Variants in ANTXRL observed in about 807,000 individuals in gnomAD.
ANTXRL encodes ANTXR like, also known as anthrax toxin receptor-like.
In ANTXRL, 63 loss-of-function variants were observed where a neutral mutation model predicts 75.4. The observed-to-expected ratio is 0.84, with a 90% CI of 0.68 to 1.03. The LOEUF is 1.03. Among genes scored for constraint, ANTXRL ranks in the 50% least tolerant of loss-of-function variants. ANTXRL has a pLI of 0.00. For missense variants in ANTXRL, 797 were observed against 789.4 expected (o/e 1.01, Z -0.12); for synonymous variants, 335 against 291.3 (o/e 1.15, Z -1.53).
chr10:46,295,624 G>A (rs61845183), intron 3 of ANTXRL, among the ~76,000 whole-genome samples: 2,015 of 57,982 alleles, frequency 0.035, 676 homozygotes, highest in Middle Eastern at 0.078. Flanking sequence ...GTTAGAGTTA[G>A]GAATGTCAAC....
chr10:46,319,728 A>C (rs1183412424), intron 16 of ANTXRL, among the ~76,000 whole-genome samples: 1 of 152,008 alleles, frequency 6.6e-6, no homozygotes, highest in Non-Finnish European at 1.5e-5. Context: ...TAGAAAACCC[A>C]AGTTTGTCAT....
chr10:46,310,368 G>T, intron 13 of ANTXRL, 93 bp from the exon 14 acceptor site: 3 of 1,221,632 alleles, frequency 2.5e-6, no homozygotes, highest in Non-Finnish European at 3.5e-6. Flanking sequence ...CTCTGTCCTG[G>T]TGCTCCAGGC....
chr10:46,288,439 A>T (rs1218130008), intron 1 of ANTXRL, among the ~76,000 whole-genome samples: 3 of 152,114 alleles, frequency 2.0e-5, no homozygotes, highest in Non-Finnish European at 4.4e-5. Flanking sequence ...ACTTTCCAGC[A>T]TCGCAGGTTG....
intron 9 of ANTXRL, among the ~76,000 whole-genome samples, chr10:46,299,586 C>T (rs1359753665): frequency 2.0e-5 from 3 of 152,120 alleles, no homozygotes; most frequent in Non-Finnish European, 4.4e-5. Context: ...CACGAGGCAT[C>T]CAGCAGCTGG....
chr10:46,287,425 G>A lies in ANTXRL; in HGVS notation c.163G>A (p.Gly55Ser). Reference protein sequence around the residue: ...LGSRRAHHHHGPGWRQHWRQG... With the variant: ...LGSRRAHHHHSPGWRQHWRQG... ...CTCCAGGAGAGCCCACCACCACCAT[G>A]GCCCAGGATGGAGGCAGCACTGGCG... Residue 55 changes from glycine to serine, a missense_variant, in exon 1 of 17, where the codon GGC (glycine) becomes AGC (serine). By Grantham distance (56) the Gly-to-Ser change is moderately conservative (BLOSUM62 0). Transcript: ENST00000620264. The A allele has an allele frequency of 2.6e-6, 4 of 1,535,848 alleles. No homozygotes were observed. Among genetic ancestry groups the A allele is most frequent in the Non-Finnish European group, 3.5e-6 (4 of 1,146,756 alleles).
Position 46,306,811 on chromosome 10 carries a change from C to G in ANTXRL, c.904C>G (p.Pro302Ala), listed in dbSNP as rs1838117906. ...FNESTIIDEK[P>A]TSIDNNSMNC... Reference sequence around the variant, plus strand: ...ATGTCATTTTCTTTTAGATGAAAAGCCAACCAGTATCGACAATAATTCCAT... The same window carrying G: ...ATGTCATTTTCTTTTAGATGAAAAGGCAACCAGTATCGACAATAATTCCAT... Residue 302 changes from proline (P) to alanine (A), a missense_variant, in exon 11 of 17, where the codon CCA (proline) becomes GCA (alanine). Physicochemically the swap from Pro to Ala is conservative, Grantham distance 27 (BLOSUM62 -1). This residue lies in a region of ANTXRL where 479 missense variants were observed against 422.0 expected (regional missense o/e 1.14). Transcript: ENST00000620264. 2 of 1,526,174 alleles carry G rather than the reference C, an allele frequency of 1.3e-6. No homozygotes were observed. Among genetic ancestry groups the G allele is most frequent in the East Asian group, 2.5e-5 (1 of 40,472 alleles). 94.5% of individuals were successfully genotyped at this position (1,526,174 alleles called of 1,614,324 possible). A position where few individuals can be genotyped will look rare whatever the true frequency, so the allele number is the denominator to read the frequency against.
Position 46,297,702 on chromosome 10 carries a change from T to A in ANTXRL, c.655-129T>A, listed in dbSNP as rs1397907534. The stretch of plus-strand genomic sequence containing the variant: ...AAGAGTGGGCTGCTGGCTGGAGAAG[T>A]CTGTGACATTCAGAGCCTGACATTC... On this transcript the variant is annotated intron_variant, in intron 7 of 16. Transcript: ENST00000620264. The A allele has an allele frequency of 3.2e-6, 3 of 930,250 alleles. No homozygotes were observed. In the African/African-American group the frequency reaches 4.9e-5, roughly 15 times the overall value. 57.6% of individuals were successfully genotyped at this position (930,250 alleles called of 1,614,324 possible).
intron 16 of ANTXRL, among the ~76,000 whole-genome samples, chr10:46,324,063 T>A (rs1312866215): frequency 1.3e-5 from 2 of 152,194 alleles, no homozygotes; most frequent in East Asian, 3.8e-4. Flanking sequence ...AATATTTCTC[T>A]TGAAAATTGA....
At chr10:46,319,873 T>C (rs1554965284) in intron 16 of ANTXRL, among the ~76,000 whole-genome samples, 1 of 152,156 alleles carries the variant, frequency 6.6e-6, no homozygotes, top group East Asian at 1.9e-4. Flanking sequence ...CCAGCCACCT[T>C]TTAAATTAAA....
intron 16 of ANTXRL, among the ~76,000 whole-genome samples, chr10:46,326,944 G>A (rs1422237961): frequency 2.0e-5 from 3 of 152,112 alleles, no homozygotes; most frequent in Admixed American, 6.5e-5. Flanking sequence ...GCTGTTATGT[G>A]AAGGGACCCC....
chr10:46,310,586 G>A, intron 14 of ANTXRL, 87 bp downstream of exon 14: 2 of 1,352,308 alleles, frequency 1.5e-6, no homozygotes, highest in South Asian at 1.2e-5. Flanking sequence ...TGCGCCCCAT[G>A]ATCTCCATCT....
At position 46,287,151 on chromosome 10, in the gene ANTXRL, G is replaced by T. The variant is rs1836796827; in HGVS notation, c.-112G>T. ...GCACTGGTGAAAGGGCAGGAGGAGG[G>T]GTGTGGCCCCGGGCATAAGGGGAGG... On this transcript the variant is annotated 5_prime_UTR_variant, in exon 1 of 17. Transcript: ENST00000620264. 3 of 1,363,444 alleles carry T rather than the reference G, an allele frequency of 2.2e-6. No homozygotes were observed. Among genetic ancestry groups the T allele is most frequent in the Admixed American group, 2.6e-5 (1 of 38,994 alleles). The allele number at this position is 1,363,444 out of a possible 1,614,324, so 84.5% of individuals were successfully genotyped here.
chr10:46,329,932 G>C lies in ANTXRL; in HGVS notation c.1744G>C (p.Glu582Gln), dbSNP rs1554967313. The stretch of plus-strand genomic sequence containing the variant: ...AAAGAGCTGCCTTCAACCCAGCCGG[G>C]AGTGCCTCCCCCTCACCTGCTCCTC... ...NPKSCLQPSRECLPLTCSSRC... is the reference protein window; with the variant it reads ...NPKSCLQPSRQCLPLTCSSRC... The change falls in exon 17 of 17, where the codon GAG becomes CAG. Residue 582 changes from glutamate (E) to glutamine (Q), a missense_variant. Coordinates refer to ENST00000620264, the MANE Select transcript of ANTXRL (RefSeq NM_001278688.3). The C allele has an allele frequency of 1.3e-6, 2 of 1,535,916 alleles. No homozygotes were observed. Among genetic ancestry groups the C allele is most frequent in the South Asian group, 1.2e-5 (1 of 84,052 alleles).
Position 46,297,817 on chromosome 10 carries a change from T to C in ANTXRL, c.655-14T>C. 1 of 1,535,600 alleles carries C rather than the reference T, an allele frequency of 6.5e-7. No individual in the cohort carries two copies. Among genetic ancestry groups the C allele is most frequent in the Middle Eastern group, 1.7e-4 (1 of 5,968 alleles). ...CTCCTGGTGGGGAGTCCAACCCAGC[T>C]CTGCTCTCTGTAGATAACAGCAATT... On this transcript the variant is annotated splice_polypyrimidine_tract_variant and intron_variant, in intron 7 of 16. Transcript: ENST00000620264.
At chr10:46,302,130 G>A (rs1837786188) in intron 9 of ANTXRL, among the ~76,000 whole-genome samples, 1 of 152,170 alleles carries the variant, frequency 6.6e-6, no homozygotes, top group African/African-American at 2.4e-5. Context: ...CTTCTGTGAT[G>A]GATTCCCTTG....
intron 12 of ANTXRL, among the ~76,000 whole-genome samples, chr10:46,307,785 G>T (rs1838181674): frequency 1.3e-5 from 2 of 152,110 alleles, no homozygotes; most frequent in African/African-American, 4.8e-5. Context: ...CTACTGATCT[G>T]GTCCTGAACC....
intron 10 of ANTXRL, among the ~76,000 whole-genome samples, chr10:46,303,424 T>C (rs1837878345): frequency 6.6e-6 from 1 of 152,218 alleles, no homozygotes; most frequent in Non-Finnish European, 1.5e-5. Context: ...ACTGAAATGC[T>C]TGGGACCACA....
At chr10:46,310,544 C>T (rs1838360538) in intron 14 of ANTXRL, 45 bp downstream of exon 14, 17 of 1,526,408 alleles carry the variant, frequency 1.1e-5, no homozygotes, top group Non-Finnish European at 1.5e-5. Flanking sequence ...CCCAAGGAGC[C>T]CACTGACCTT....
At chr10:46,312,443 T>C (rs1838484305) in intron 15 of ANTXRL, among the ~76,000 whole-genome samples, 1 of 146,788 alleles carries the variant, frequency 6.8e-6, no homozygotes, top group Non-Finnish European at 1.5e-5. Context: ...GGGTGGCTGG[T>C]GTTGAGGGAG....
Sources: gnomAD v4.1 joint callset for allele counts (sites outside exome capture counted in the v4.1 genomes callset) on GRCh38, gnomAD v4.1.1 for gene constraint, gnomAD v4.1.1 regional missense constraint, MANE v1.5 for transcripts, NCBI Gene and HGNC (gene_info 2026-07-23, HGNC 2026-07-21) for gene names.